The following CALN1 variants were observed in gnomAD, a reference collection of about 807,000 sequenced individuals.
CALN1 encodes the protein calneuron 1.
In CALN1, 17 loss-of-function variants were observed where a neutral mutation model predicts 30.6. The observed-to-expected ratio is 0.56, with a 90% CI of 0.38 to 0.83. The LOEUF (loss-of-function observed/expected upper bound fraction) is 0.83, where lower values mean the gene tolerates loss of function less well. Ranked by LOEUF, CALN1 falls within the 40% of genes least tolerant of loss-of-function variation. The pLI is 0.00. For synonymous variants in CALN1, 156 were observed against 131.4 expected (o/e 1.19, Z -1.28); for missense variants, 291 against 354.9 (o/e 0.82, Z 1.45).
intron 5 of CALN1, among the ~76,000 whole-genome samples, chr7:71,956,453 A>AT (rs34744971): frequency 4.7e-5 from 7 of 150,326 alleles, no homozygotes; most frequent in Non-Finnish European, 8.9e-5. Context: ...AATTTAAAGT[A>AT]TTTTTTTTAA....
chr7:72,018,210 A>G (rs1474932716), intron 5 of CALN1, among the ~76,000 whole-genome samples: 2 of 152,128 alleles, frequency 1.3e-5, no homozygotes, highest in Non-Finnish European at 2.9e-5. Flanking sequence ...ATTCTTGGAT[A>G]CAAGTAGGCA....
intron 5 of CALN1, among the ~76,000 whole-genome samples, chr7:71,816,295 G>T (rs970495363): frequency 3.9e-5 from 6 of 152,160 alleles, no homozygotes; most frequent in East Asian, 1.9e-4. Flanking sequence ...CTGCATTAGA[G>T]TTTAACGATC....
chr7:71,981,674 CAA>C (rs35596606), intron 5 of CALN1, among the ~76,000 whole-genome samples: 2 of 143,980 alleles, frequency 1.4e-5, no homozygotes, highest in Non-Finnish European at 3.1e-5. Flanking sequence ...AAAACAAAAC[CAA>C]AAAAAAAAAC....
chr7:71,811,740 G>C (rs920800232), intron 5 of CALN1, among the ~76,000 whole-genome samples: 1 of 150,030 alleles, frequency 6.7e-6, no homozygotes, highest in Non-Finnish European at 1.5e-5. Flanking sequence ...GTGCAGTGGC[G>C]CGATCTCGGC....
chr7:71,878,800 A>G (rs916856678), intron 5 of CALN1, among the ~76,000 whole-genome samples: 7 of 152,154 alleles, frequency 4.6e-5, no homozygotes, highest in African/African-American at 1.7e-4. Context: ...GTCAAAAGGA[A>G]TGACCCCTGC....
chr7:72,367,392 G>C (rs1039687062), intron 2 of CALN1, among the ~76,000 whole-genome samples: 1 of 152,106 alleles, frequency 6.6e-6, no homozygotes, highest in Non-Finnish European at 1.5e-5. Flanking sequence ...AGAAGGCTGA[G>C]GTGGGAGGAT....
intron 3 of CALN1, among the ~76,000 whole-genome samples, chr7:72,130,071 C>T (rs948682383): frequency 6.6e-6 from 1 of 152,146 alleles, no homozygotes; most frequent in Non-Finnish European, 1.5e-5. Flanking sequence ...TCCCCCACCC[C>T]CCACCAGGCT....
rs138132094 is a variant in CALN1, at chr7:72,439,228, C to T, written c.-226+7814G>A. 1.3e-4 allele frequency among the ~76,000 whole-genome samples: 20 copies of T among 152,222 alleles called. No individual in the cohort carries two copies. In the East Asian group the frequency reaches 2.3e-3, roughly 18 times the overall value. On this transcript the variant is annotated intron_variant, in intron 1 of 6. Coordinates refer to the CALN1 transcript ENST00000395276. ...AAAATTATTTATAGAAATGGGGTTT[C>T]GCCATGTTGCCCAGGTTGGTATCAA...
At chr7:72,439,035 C>T (rs553490402) in intron 1 of CALN1, among the ~76,000 whole-genome samples, 89 of 152,184 alleles carry the variant, frequency 5.8e-4, no homozygotes, top group African/African-American at 1.5e-3. Flanking sequence ...AATCTGCATA[C>T]GACTTTTTCT....
intron 3 of CALN1, among the ~76,000 whole-genome samples, chr7:72,115,170 G>A (rs142458941): frequency 2.0e-4 from 27 of 132,812 alleles, no homozygotes; most frequent in African/African-American, 6.6e-4. Flanking sequence ...ATTATATACT[G>A]TATAGTATAT....
chr7:72,359,841 G>C (rs1731117748), intron 2 of CALN1, among the ~76,000 whole-genome samples: 1 of 151,884 alleles, frequency 6.6e-6, no homozygotes, highest in African/African-American at 2.4e-5. Flanking sequence ...GCCGGACGTG[G>C]TGGCGGGCGC....
At chr7:72,029,667 A>C (rs1330872235) in intron 4 of CALN1, among the ~76,000 whole-genome samples, 1 of 152,144 alleles carries the variant, frequency 6.6e-6, no homozygotes, top group East Asian at 1.9e-4. Context: ...TCTGCATAAA[A>C]ATCCCTAATG....
chr7:72,387,490 T>C (rs1428581871), intron 2 of CALN1, among the ~76,000 whole-genome samples: 1 of 152,002 alleles, frequency 6.6e-6, no homozygotes, highest in African/African-American at 2.4e-5. Context: ...ACACACTCCC[T>C]CCGCCCCGGG....
chr7:72,116,367 A>G (rs1222557550), intron 3 of CALN1, among the ~76,000 whole-genome samples: 2 of 152,230 alleles, frequency 1.3e-5, no homozygotes, highest in East Asian at 3.8e-4. Flanking sequence ...TTTTAAAAAA[A>G]GGCTTAAGAT....
chr7:72,350,762 T>C (rs542480686), intron 2 of CALN1, among the ~76,000 whole-genome samples: 2 of 141,632 alleles, frequency 1.4e-5, no homozygotes, highest in South Asian at 4.8e-4. Context: ...CTTGCACATG[T>C]ACCCCTGAAA....
At chr7:72,451,864 GC>G (rs1288417812), upstream of CALN1, among the ~76,000 whole-genome samples, 1 of 151,638 alleles carries the variant, frequency 6.6e-6, no homozygotes, top group African/African-American at 2.4e-5. Context: ...AAAATCAGGA[GC>G]AACTAAGAAA....
At chr7:72,081,989 C>T (rs1805175253) in intron 4 of CALN1, among the ~76,000 whole-genome samples, 1 of 151,590 alleles carries the variant, frequency 6.6e-6, no homozygotes. Flanking sequence ...CTGGAACAAA[C>T]CTTTTTTTTT....
intron 1 of CALN1, among the ~76,000 whole-genome samples, chr7:72,411,779 G>A (rs573344991): frequency 1.3e-5 from 2 of 151,520 alleles, no homozygotes; most frequent in East Asian, 1.9e-4. Flanking sequence ...AATTGCTAAG[G>A]AATAAAGTAA....
chr7:71,874,438 G>A (rs532499432), intron 5 of CALN1, among the ~76,000 whole-genome samples: 1 of 152,232 alleles, frequency 6.6e-6, no homozygotes, highest in Non-Finnish European at 1.5e-5. Context: ...CAATAAAGAA[G>A]GTCATTTGCA....
Sources: allele counts gnomAD v4.1 joint callset (sites outside exome capture counted in the v4.1 genomes callset), GRCh38; gene constraint gnomAD v4.1.1; transcripts MANE v1.5; gene names NCBI Gene and HGNC (gene_info 2026-07-23, HGNC 2026-07-21).